The following ANTXR2 variants were observed in gnomAD, a reference collection of about 807,000 sequenced individuals.
The protein encoded by ANTXR2 is anthrax toxin receptor 2.
In ANTXR2, 44 loss-of-function variants were observed where a neutral mutation model predicts 73.7. The ratio of observed to expected loss-of-function variants is 0.60; its 90% CI spans 0.47 to 0.77. ANTXR2 has a LOEUF of 0.77. ANTXR2 is among the 30% of genes least tolerant of loss of function. The pLI is 0.00. For synonymous variants in ANTXR2, 217 were observed against 205.9 expected (o/e 1.05, Z -0.46); for missense variants, 604 against 592.5 (o/e 1.02, Z -0.20).
intron 16 of ANTXR2, among the ~76,000 whole-genome samples, chr4:79,920,642 A>G (rs568689232): frequency 6.6e-6 from 1 of 152,254 alleles, no homozygotes; most frequent in Non-Finnish European, 1.5e-5. Context: ...AGGCAGACAG[A>G]TAATGTGGCA....
chr4:80,031,677 C>A lies in ANTXR2; in HGVS notation c.812G>T (p.Ser271Ile). The A allele has an allele frequency of 6.6e-7, 1 of 1,511,284 alleles. No individual in the cohort carries two copies. 93.6% of individuals were successfully genotyped at this position (1,511,284 alleles called of 1,614,324 possible). Residue 271 changes from serine (S) to isoleucine (I), a missense_variant, in exon 10 of 17, where the codon AGT becomes ATT. Physicochemically the swap from Ser to Ile is moderately radical, Grantham distance 142. Coordinates refer to ENST00000403729, the MANE Select transcript of ANTXR2 (RefSeq NM_058172.6). ...ETYTTSVKPV[S>I]VQLNSMLCPA... ...ACAAAGCATAGAATTAAGCTGTACA[C>A]TTACTGGTTTTACACCTAGAAAATA...
chr4:79,936,624 G>A (rs72653271), intron 16 of ANTXR2, among the ~76,000 whole-genome samples: 10,681 of 152,078 alleles, frequency 0.07, 454 homozygotes, highest in Middle Eastern at 0.11. Context: ...TGGTCTCAGG[G>A]ACTGGGAAAT....
intron 7 of ANTXR2, among the ~76,000 whole-genome samples, chr4:80,042,423 TTCTC>T (rs1385104978): frequency 6.6e-6 from 1 of 151,964 alleles, no homozygotes; most frequent in Admixed American, 6.6e-5. Context: ...TTTTCTTTCT[TTCTC>T]TATACTTTTT....
chr4:80,025,418 TTATATA>T (rs1439607033), intron 10 of ANTXR2, among the ~76,000 whole-genome samples: 1 of 152,182 alleles, frequency 6.6e-6, no homozygotes, highest in African/African-American at 2.4e-5. Flanking sequence ...GCTTCTGACT[TTATATA>T]TATCCAATAA....
At chr4:80,053,464 G>A (rs1367379549) in intron 7 of ANTXR2, among the ~76,000 whole-genome samples, 1 of 151,586 alleles carries the variant, frequency 6.6e-6, no homozygotes, top group Non-Finnish European at 1.5e-5. Flanking sequence ...GATCTTTAAA[G>A]AGAAATTTAA....
chr4:79,963,065 A>G (rs1729205962), intron 16 of ANTXR2, among the ~76,000 whole-genome samples: 1 of 152,168 alleles, frequency 6.6e-6, no homozygotes, highest in African/African-American at 2.4e-5. Context: ...TCTACCATCC[A>G]GATGCTTATT....
chr4:79,976,229 A>G (rs1729627323), intron 16 of ANTXR2, among the ~76,000 whole-genome samples: 1 of 152,154 alleles, frequency 6.6e-6, no homozygotes, highest in African/African-American at 2.4e-5. Context: ...CGCATTTAAA[A>G]AAAAAATCCC....
At chr4:80,019,065 C>A in intron 10 of ANTXR2, 89 bp from the exon 11 acceptor site, 3 of 867,234 alleles carry the variant, frequency 3.5e-6, no homozygotes, top group Non-Finnish European at 5.0e-6. Context: ...CAAAACCAGC[C>A]AGAAAACATA....
At chr4:80,026,899 C>T (rs866729323) in intron 10 of ANTXR2, among the ~76,000 whole-genome samples, 3 of 151,872 alleles carry the variant, frequency 2.0e-5, no homozygotes, top group South Asian at 2.1e-4. Flanking sequence ...TTGCCAGAAC[C>T]GTATATAATA....
intron 16 of ANTXR2, among the ~76,000 whole-genome samples, chr4:79,916,516 G>C (rs897918036): frequency 5.3e-5 from 8 of 151,992 alleles, no homozygotes; most frequent in African/African-American, 1.9e-4. Context: ...TTAGAATACA[G>C]ATCATTTCAT....
In ANTXR2 at chr4:79,978,180, A is replaced by C; in HGVS notation, c.1180-6T>G. The C allele has an allele frequency of 1.2e-6, 2 of 1,613,434 alleles. No homozygotes were observed. Among genetic ancestry groups the C allele is most frequent in the Non-Finnish European group, 1.7e-6 (2 of 1,179,592 alleles). ...CCTTTATCACCCCAACGAACCTGTA[A>C]AACAAAGGGAGAGTACTGTTATCAG... On this transcript the variant is annotated splice_polypyrimidine_tract_variant and splice_region_variant and intron_variant, in intron 14 of 16. Transcript: ENST00000403729.
chr4:79,928,758 T>C (rs1037356874), intron 16 of ANTXR2, among the ~76,000 whole-genome samples: 7 of 152,174 alleles, frequency 4.6e-5, no homozygotes, highest in Admixed American at 1.3e-4. Context: ...CATGGTTATC[T>C]ATAAATATAG....
At chr4:79,933,791 G>T (rs1457678236) in intron 16 of ANTXR2, among the ~76,000 whole-genome samples, 2 of 139,412 alleles carry the variant, frequency 1.4e-5, no homozygotes, top group Non-Finnish European at 3.0e-5. Context: ...CTGGGGTGCA[G>T]TGGCACGATC....
At chr4:79,915,325 G>T (rs532631726) in intron 16 of ANTXR2, among the ~76,000 whole-genome samples, 1 of 152,046 alleles carries the variant, frequency 6.6e-6, no homozygotes, top group Non-Finnish European at 1.5e-5. Context: ...CACCATGGCC[G>T]GTAATAGCAG....
chr4:80,023,465 T>TA (rs1433993628), intron 10 of ANTXR2, among the ~76,000 whole-genome samples: 17 of 152,154 alleles, frequency 1.1e-4, no homozygotes, highest in African/African-American at 4.1e-4. Flanking sequence ...CTGTACTTGG[T>TA]AAAATGGCTG....
At chr4:79,922,263 T>C (rs1727622288) in intron 16 of ANTXR2, among the ~76,000 whole-genome samples, 1 of 152,058 alleles carries the variant, frequency 6.6e-6, no homozygotes, top group South Asian at 2.1e-4. Context: ...ACTGTAAACA[T>C]AGATGCCACT....
intron 16 of ANTXR2, among the ~76,000 whole-genome samples, chr4:79,909,189 A>G (rs1164685453): frequency 1.3e-5 from 2 of 152,186 alleles, no homozygotes. Context: ...TAAATTAATG[A>G]CATCTTTTTC....
chr4:79,973,503 C>T (rs1729512438), intron 16 of ANTXR2, among the ~76,000 whole-genome samples: 1 of 151,646 alleles, frequency 6.6e-6, no homozygotes, highest in Non-Finnish European at 1.5e-5. Context: ...CAGCTCACTA[C>T]TGCAACCTTC....
Position 79,903,753 on chromosome 4 carries a change from CTGTT to C in ANTXR2, c.*3672_*3675del, listed in dbSNP as rs1215433213. On this transcript the variant is annotated 3_prime_UTR_variant, in exon 17 of 17. Coordinates refer to ENST00000403729, the MANE Select transcript of ANTXR2 (RefSeq NM_058172.6). ...GACAACATTCTCCAGCCTCACCTGC[CTGTT>C]TCTTTCCTTAACTATGTAACAGATG... 6.6e-6 allele frequency: 1 copy of C among 152,158 alleles called. No individual in the cohort carries two copies. The highest frequency in any genetic ancestry group is 2.4e-5 in the African/African-American group (1 of 41,442). The allele number at this position is 152,158 out of a possible 1,614,324, so 9.4% of individuals were successfully genotyped here.
Sources: allele counts gnomAD v4.1 joint callset (sites outside exome capture counted in the v4.1 genomes callset), GRCh38; gene constraint gnomAD v4.1.1; transcripts MANE v1.5; gene names NCBI Gene and HGNC (gene_info 2026-07-23, HGNC 2026-07-21).